Variants in SHANK2 observed in about 807,000 individuals in gnomAD.
The protein encoded by SHANK2 is SH3 and multiple ankyrin repeat domains 2.
SHANK2 carries 43 observed loss-of-function variants against 133.7 expected under a neutral mutation model. The observed-to-expected ratio is 0.32, with a 90% CI of 0.25 to 0.41. The LOEUF is 0.41. Ranked by LOEUF, SHANK2 falls within the 10% of genes least tolerant of loss-of-function variation. SHANK2 has a pLI of 1.00. For synonymous variants in SHANK2, 1,017 were observed against 952.8 expected (o/e 1.07, Z -1.24); for missense variants, 1,994 against 2,235.8 (o/e 0.89, Z 2.18).
intron 6 of SHANK2, among the ~76,000 whole-genome samples, chr11:71,104,093 C>T (rs991303472): frequency 3.9e-5 from 6 of 152,054 alleles, no homozygotes; most frequent in African/African-American, 1.4e-4. Context: ...TATAAACTAC[C>T]CAGCCTCAGG....
intron 17 of SHANK2, among the ~76,000 whole-genome samples, chr11:70,616,050 T>TG (rs1388482085): frequency 6.6e-6 from 1 of 152,096 alleles, no homozygotes; most frequent in Non-Finnish European, 1.5e-5. Context: ...ACAGAGGCCT[T>TG]GGAACCCATC....
intron 14 of SHANK2, among the ~76,000 whole-genome samples, chr11:70,726,022 G>C (rs571378637): frequency 1.8e-4 from 27 of 152,244 alleles, no homozygotes; most frequent in Non-Finnish European, 3.8e-4. Context: ...GAGGGACAGA[G>C]CTCAACTCGG....
chr11:70,897,203 C>T (rs1212785441), intron 10 of SHANK2, among the ~76,000 whole-genome samples: 2 of 152,056 alleles, frequency 1.3e-5, no homozygotes, highest in Non-Finnish European at 2.9e-5. Flanking sequence ...GCCAAGTATC[C>T]TAGGATGGCC....
At chr11:70,881,532 C>T (rs1412913446) in intron 11 of SHANK2, among the ~76,000 whole-genome samples, 1 of 146,368 alleles carries the variant, frequency 6.8e-6, no homozygotes, top group Admixed American at 7.1e-5. Context: ...CTGAACAATA[C>T]AGGGAGACCC....
At position 70,913,278 on chromosome 11, in the gene SHANK2, C is replaced by T. The variant is rs370566034; in HGVS notation, c.1108-16711G>A. On this transcript the variant is annotated intron_variant, in intron 10 of 25. Coordinates refer to ENST00000601538, the MANE Select transcript of SHANK2 (RefSeq NM_012309.5). ...CCTTCATTTGTCCTAAATGATAGACCCTATTATGACAACTTGGACCCTTCA... is the reference window on the plus strand; with the variant it reads ...CCTTCATTTGTCCTAAATGATAGACTCTATTATGACAACTTGGACCCTTCA... Among the ~76,000 whole-genome samples, 54 of 151,788 alleles carry T rather than the reference C, an allele frequency of 3.6e-4. 1 individual carries two copies. The East Asian group carries it at 5.4e-3, about 15-fold the overall frequency.
intron 17 of SHANK2, among the ~76,000 whole-genome samples, chr11:70,541,164 G>A (rs1230766695): frequency 6.6e-6 from 1 of 152,126 alleles, no homozygotes; most frequent in Middle Eastern, 3.2e-3. Context: ...AGCCAGTGTC[G>A]GTTTTCCCTC....
intron 11 of SHANK2, among the ~76,000 whole-genome samples, chr11:70,843,758 C>T (rs765723486): frequency 7.2e-5 from 11 of 152,050 alleles, no homozygotes; most frequent in Non-Finnish European, 1.3e-4. Context: ...TCTCTGCACA[C>T]GGGAGACTGA....
intron 11 of SHANK2, among the ~76,000 whole-genome samples, chr11:70,856,864 C>G (rs1949180238): frequency 6.6e-6 from 1 of 152,128 alleles, no homozygotes; most frequent in Admixed American, 6.5e-5. Context: ...GTGTGGTTCT[C>G]CCTGCTCTTC....
intron 11 of SHANK2, among the ~76,000 whole-genome samples, chr11:70,884,797 T>C (rs1291626654): frequency 6.6e-6 from 1 of 152,220 alleles, no homozygotes; most frequent in African/African-American, 2.4e-5. Context: ...TTCGGCTCAC[T>C]GCAACCTCCG....
intron 10 of SHANK2, chr11:70,943,851 C>T (rs76952335): frequency 0.024 from 10,923 of 449,412 alleles, 993 homozygotes; most frequent in African/African-American, 0.2. Context: ...CCACATCCCA[C>T]GCCACAGTGC....
At chr11:70,827,157 A>G (rs1948654724) in intron 11 of SHANK2, among the ~76,000 whole-genome samples, 1 of 151,848 alleles carries the variant, frequency 6.6e-6, no homozygotes, top group Non-Finnish European at 1.5e-5. Context: ...AACACGACCT[A>G]TATTTCTGTT....
chr11:70,804,159 A>G lies in SHANK2; in HGVS notation c.1663+2843T>C, dbSNP rs1035369837. ...CCAGACCTGCCCCTGCCAGCCAGGC[A>G]GCTGGGTTTCCTGCCCACAATGATT... On this transcript the variant is annotated intron_variant, in intron 13 of 25. Coordinates refer to ENST00000601538, the MANE Select transcript of SHANK2 (RefSeq NM_012309.5). This position sits in a 1 kb window ranked among gnomAD's most constrained non-coding sequence, Gnocchi z 4.1. 1.3e-5 allele frequency among the ~76,000 whole-genome samples: 2 copies of G among 152,178 alleles called. No individual in the cohort carries two copies. The highest frequency in any genetic ancestry group is 1.5e-5 in the Non-Finnish European group (1 of 68,022).
chr11:70,798,673 G>A, intron 13 of SHANK2, 117 bp from the exon 14 acceptor site: 1 of 655,918 alleles, frequency 1.5e-6, no homozygotes. Context: ...GGCCAGGCCT[G>A]CAGAGCAAGC....
chr11:70,709,889 G>A (rs557097232), intron 14 of SHANK2, among the ~76,000 whole-genome samples: 12 of 152,102 alleles, frequency 7.9e-5, no homozygotes, highest in East Asian at 1.9e-4. Flanking sequence ...GGTGGGCTCC[G>A]GGGGTCCAGG....
At chr11:70,588,903 C>G (rs927978056) in intron 17 of SHANK2, among the ~76,000 whole-genome samples, 1 of 152,182 alleles carries the variant, frequency 6.6e-6, no homozygotes, top group African/African-American at 2.4e-5. Flanking sequence ...CTGCAAGCTC[C>G]GCCTCCCGGG....
At position 71,167,685 on chromosome 11, in the gene SHANK2, C is replaced by T. The variant is rs543572372; in HGVS notation, c.-12-20347G>A. On this transcript the variant is annotated intron_variant, in intron 2 of 25. Transcript: ENST00000601538. ...GGCGGGGGGCTGACCCCTCCACCTCCCTCCTGGACGGAGCGGCTGGCCGGG... is the reference window on the plus strand; with the variant it reads ...GGCGGGGGGCTGACCCCTCCACCTCTCTCCTGGACGGAGCGGCTGGCCGGG... Among the ~76,000 whole-genome samples, 801 of 146,096 alleles carry T rather than the reference C, an allele frequency of 5.5e-3. 7 individuals carry two copies. The highest frequency in any genetic ancestry group is 0.019 in the African/African-American group (742 of 38,920).
chr11:71,105,429 C>G (rs545002079), intron 6 of SHANK2, among the ~76,000 whole-genome samples: 369 of 151,878 alleles, frequency 2.4e-3, no homozygotes, highest in Non-Finnish European at 4.3e-3. Context: ...CCCATCTCTA[C>G]TAAAAATAAA....
chr11:71,219,003 G>A lies in SHANK2; in HGVS notation c.-13+5694C>T, dbSNP rs1247846065. On this transcript the variant is annotated intron_variant, in intron 2 of 25. Coordinates refer to ENST00000601538, the MANE Select transcript of SHANK2 (RefSeq NM_012309.5). ...GTCAGCATCCTACACAGACATCGCA[G>A]AAGAATGTAACGGAGCTTACCCAAG... 2.6e-5 allele frequency among the ~76,000 whole-genome samples: 4 copies of A among 152,342 alleles called. No homozygotes were observed. In the East Asian group the frequency reaches 7.7e-4, roughly 29 times the overall value.
intron 11 of SHANK2, among the ~76,000 whole-genome samples, chr11:70,872,521 T>C (rs1471606370): frequency 6.6e-6 from 1 of 151,568 alleles, no homozygotes; most frequent in African/African-American, 2.4e-5. Flanking sequence ...GTGGACACAG[T>C]GGGTGCAAAC....
Sources: gnomAD v4.1 joint callset for allele counts (sites outside exome capture counted in the v4.1 genomes callset) on GRCh38, gnomAD v4.1.1 for gene constraint, Gnocchi (gnomAD v3.1) non-coding constraint, MANE v1.5 for transcripts, NCBI Gene and HGNC (gene_info 2026-07-23, HGNC 2026-07-21) for gene names.